HNF4A: variants seen among roughly 807,000 people sequenced by gnomAD.
The protein encoded by HNF4A is hepatocyte nuclear factor 4-alpha.
Under a neutral mutation model 52.4 loss-of-function variants are expected in HNF4A, and 15 were observed. The ratio of observed to expected loss-of-function variants is 0.29; its 90% CI spans 0.19 to 0.44. The LOEUF (loss-of-function observed/expected upper bound fraction) is 0.44. HNF4A is among the 20% of genes least tolerant of loss of function. The pLI is 1.00. For synonymous variants in HNF4A, 280 were observed against 264.4 expected, an observed-to-expected ratio of 1.06 and a Z score of -0.57; for missense variants, 479 against 647.2, an observed-to-expected ratio of 0.74 and a Z score of 2.82.
At chr20:44,427,664 C>T (rs2063828928) in intron 8 of HNF4A, among the ~76,000 whole-genome samples, 1 of 152,154 alleles carries the variant, frequency 6.6e-6, no homozygotes, top group Non-Finnish European at 1.5e-5. Flanking sequence ...AAGAAAAATA[C>T]CTCTGAAATT....
intron 2 of HNF4A, among the ~76,000 whole-genome samples, chr20:44,406,826 C>CT (rs1322852871): frequency 6.6e-6 from 1 of 152,238 alleles, no homozygotes; most frequent in Non-Finnish European, 1.5e-5. Flanking sequence ...GAGATGGTTA[C>CT]TGTTGTTATT....
At position 44,412,785 on chromosome 20, in the gene HNF4A, C is replaced by T. The variant is rs141197170; in HGVS notation, c.386-909C>T. ...TGTGAGGGGAAGCCAAGGAAGGTGG[C>T]CAGGCTTGATGCCAGTCCCTGAGAC... On this transcript the variant is annotated intron_variant, in intron 3 of 9. Coordinates refer to ENST00000316099, the MANE Select transcript of HNF4A (RefSeq NM_000457.6). 2.1e-4 allele frequency among the ~76,000 whole-genome samples: 32 copies of T among 152,218 alleles called. No homozygotes were observed. The Middle Eastern group carries it at 0.01, about 49-fold the overall frequency.
intron 3 of HNF4A, among the ~76,000 whole-genome samples, chr20:44,410,561 A>G (rs2146393929): frequency 6.6e-6 from 1 of 152,112 alleles, no homozygotes; most frequent in East Asian, 1.9e-4. Context: ...ACTGGCCAGG[A>G]GAGTTGGGAC....
rs771448170 is a variant in HNF4A at position 44,428,336 on chromosome 20, G to A, written c.1131G>A (p.Gly377=). ...CTGATCGACCTTCTCTACCTGCAGGGTCCCCCAGCGATGCACCCCATGCCC... is the reference window on the plus strand; with the variant it reads ...CTGATCGACCTTCTCTACCTGCAGGATCCCCCAGCGATGCACCCCATGCCC... The change falls in exon 9 of 10, where the codon GGG becomes GGA. Residue 377 remains glycine, a splice_region_variant and synonymous_variant. Transcript: ENST00000316099. 1 of 1,613,978 alleles carries A rather than the reference G, an allele frequency of 6.2e-7. No individual in the cohort carries two copies. Among genetic ancestry groups the A allele is most frequent in the Non-Finnish European group, 8.5e-7 (1 of 1,180,028 alleles).
In HNF4A at chr20:44,407,295, G is replaced by A. The variant is rs2063514924; in HGVS notation, c.291-86G>A. On this transcript the variant is annotated intron_variant, in intron 2 of 9. Transcript: ENST00000316099. ...AGAGATGAGAGCACTGAGGTTGGGG[G>A]GTCAACTGGATAGCCAGGGCCCTAG... 6 of 956,350 alleles carry A rather than the reference G, an allele frequency of 6.3e-6. No individual in the cohort carries two copies. The African/African-American group carries it at 6.5e-5, about 10-fold the overall frequency. 59.2% of individuals were successfully genotyped at this position (956,350 alleles called of 1,614,324 possible). A position where few individuals can be genotyped will look rare whatever the true frequency, so the allele number is the denominator to read the frequency against.
At position 44,419,749 on chromosome 20, in the gene HNF4A, C is replaced by T. The variant is rs1244924861; in HGVS notation, c.765C>T (p.Cys255=). Residue 255 remains cysteine, a synonymous_variant, in exon 7 of 10, where the codon TGC becomes TGT. Coordinates refer to ENST00000316099, the MANE Select transcript of HNF4A (RefSeq NM_000457.6). The stretch of plus-strand genomic sequence containing the variant: ...ATGACTACATTGTCCCTCGGCACTG[C>T]CCGGAGCTGGCGGAGATGAGCCGGG... 1 of 1,613,996 alleles carries T rather than the reference C, an allele frequency of 6.2e-7. No homozygotes were observed. Among genetic ancestry groups the T allele is most frequent in the Non-Finnish European group, 8.5e-7 (1 of 1,179,986 alleles).
chr20:44,383,880 C>A (rs892252185), intron 1 of HNF4A, among the ~76,000 whole-genome samples: 5 of 149,952 alleles, frequency 3.3e-5, no homozygotes, highest in Admixed American at 6.7e-5. Flanking sequence ...GACGGAGTTT[C>A]ACTCTTGTTG....
At chr20:44,390,568 G>A (rs1172095262) in intron 1 of HNF4A, 4 of 701,510 alleles carry the variant, frequency 5.7e-6, no homozygotes, top group Middle Eastern at 2.3e-4. Context: ...GGTGCTGAGA[G>A]GGGCCAGCAG....
At chr20:44,425,970 C>CTT (rs1342468382) in intron 8 of HNF4A, among the ~76,000 whole-genome samples, 3 of 152,070 alleles carry the variant, frequency 2.0e-5, no homozygotes, top group African/African-American at 7.2e-5. Context: ...TCATTGTGGA[C>CTT]TTTCATTAAG....
At position 44,424,267 on chromosome 20, in the gene HNF4A, C is replaced by T. The variant is rs200817222; in HGVS notation, c.1129+13C>T. ...ATGCTGCTGGGAGGTCCGTGCCAAG[C>T]CCAGGAGGGGCGGGGTTGGAGTGGG... On this transcript the variant is annotated intron_variant, in intron 8 of 9. Coordinates refer to ENST00000316099, the MANE Select transcript of HNF4A (RefSeq NM_000457.6). 3 of 1,613,554 alleles carry T rather than the reference C, an allele frequency of 1.9e-6. No homozygotes were observed. The highest frequency in any genetic ancestry group is 1.6e-4 in the Middle Eastern group (1 of 6,062).
intron 3 of HNF4A, 95 bp from the exon 4 acceptor site, chr20:44,413,599 C>A: frequency 1.2e-6 from 1 of 848,816 alleles, no homozygotes. Flanking sequence ...CTGGACACCC[C>A]CCACCTCCTG....
intron 1 of HNF4A, among the ~76,000 whole-genome samples, chr20:44,369,096 A>G (rs2063003351): frequency 6.6e-6 from 1 of 151,806 alleles, no homozygotes; most frequent in Admixed American, 6.6e-5. Flanking sequence ...TAATACCAAA[A>G]AAATTAGCTG....
At chr20:44,407,531 C>A in intron 3 of HNF4A, 56 bp downstream of exon 3, 1 of 1,187,150 alleles carries the variant, frequency 8.4e-7, no homozygotes, top group Non-Finnish European at 1.2e-6. Flanking sequence ...CCCACAGCTC[C>A]CCGACAGTCA....
intron 8 of HNF4A, among the ~76,000 whole-genome samples, chr20:44,425,793 T>C (rs888018882): frequency 6.6e-6 from 1 of 151,774 alleles, no homozygotes; most frequent in Admixed American, 6.6e-5. Context: ...TAGCTGGGAC[T>C]ACAGGTGCGT....
chr20:44,381,279 C>CTT (rs11477724), intron 1 of HNF4A, among the ~76,000 whole-genome samples: 15 of 110,122 alleles, frequency 1.4e-4, no homozygotes, highest in African/African-American at 2.5e-4. Context: ...TCAGTGAGAG[C>CTT]TTTTTTTTTT....
intron 1 of HNF4A, among the ~76,000 whole-genome samples, chr20:44,378,061 T>G (rs1477540189): frequency 1.3e-5 from 2 of 152,242 alleles, no homozygotes; most frequent in Non-Finnish European, 2.9e-5. Flanking sequence ...CACTTGATTT[T>G]GTAAGATACT....
chr20:44,424,627 A>G (rs2063794469), intron 8 of HNF4A: 17 of 1,401,000 alleles, frequency 1.2e-5, no homozygotes, highest in Middle Eastern at 2.7e-4. Context: ...TTTGAAATAA[A>G]CAGGTAATAT....
intron 7 of HNF4A, among the ~76,000 whole-genome samples, chr20:44,423,413 C>A (rs1248178395): frequency 6.6e-6 from 1 of 152,174 alleles, no homozygotes; most frequent in East Asian, 1.9e-4. Context: ...CCTGTGTGGT[C>A]AGCAGTGATG....
chr20:44,418,283 T>A (rs928251260), intron 5 of HNF4A, 142 bp from the exon 6 acceptor site: 1 of 764,622 alleles, frequency 1.3e-6, no homozygotes, highest in Non-Finnish European at 2.4e-6. Flanking sequence ...TTATGGGTAG[T>A]AGTTTTATGA....
Sources: gnomAD v4.1 joint callset for allele counts (sites outside exome capture counted in the v4.1 genomes callset) on GRCh38, gnomAD v4.1.1 for gene constraint, MANE v1.5 for transcripts, NCBI Gene and HGNC (gene_info 2026-07-23, HGNC 2026-07-21) for gene names.